PRKAB1: variants seen among roughly 807,000 people sequenced by gnomAD.
The protein encoded by PRKAB1 is 5'-AMP-activated protein kinase subunit beta-1.
Under a neutral mutation model 32.0 loss-of-function variants are expected in PRKAB1, and 18 were observed. That is an observed-to-expected ratio of 0.56 (90% CI 0.39 to 0.83). The LOEUF is 0.83. Ranked by LOEUF, PRKAB1 falls within the 40% of genes least tolerant of loss-of-function variation. The pLI is 0.00. For synonymous variants in PRKAB1, 141 were observed against 141.4 expected (o/e 1.00, Z 0.02); for missense variants, 263 against 352.6 (o/e 0.75, Z 2.03).
intron 2 of PRKAB1, 95 bp downstream of exon 2, chr12:119,672,559 T>C: frequency 7.7e-7 from 1 of 1,304,778 alleles, no homozygotes; most frequent in Non-Finnish European, 1.0e-6. Flanking sequence ...GATGTTTCTA[T>C]AAAATGGATG....
Position 119,674,009 on chromosome 12 carries a change from T to G in PRKAB1, c.369T>G (p.His123Gln), listed in dbSNP as rs1474143796. The change falls in exon 3 of 7, where the codon CAT becomes CAG. Residue 123 changes from histidine (H) to glutamine (Q), a missense_variant. His to Gln is a conservative substitution (Grantham distance 24). Coordinates refer to ENST00000229328, the MANE Select transcript of PRKAB1 (RefSeq NM_006253.5). This position sits in a 1 kb window ranked among gnomAD's most constrained non-coding sequence, Gnocchi z 4.3. ...VAILDLPEGE[H>Q]QYKFFVDGQW... ...TCCTGGATCTGCCGGAAGGAGAGCATCAGTACAAGTTCTTTGTGGATGGTC... is the reference window on the plus strand; with the variant it reads ...TCCTGGATCTGCCGGAAGGAGAGCAGCAGTACAAGTTCTTTGTGGATGGTC... 6.2e-7 allele frequency: 1 copy of G among 1,614,000 alleles called. No individual in the cohort carries two copies. The highest frequency in any genetic ancestry group is 2.2e-5 in the East Asian group (1 of 44,868).
chr12:119,675,878 T>C (rs1955420696), intron 4 of PRKAB1, among the ~76,000 whole-genome samples: 3 of 152,220 alleles, frequency 2.0e-5, no homozygotes, highest in Admixed American at 2.0e-4. Flanking sequence ...ACCTTCTGGC[T>C]GGCCAAACGT....
intron 5 of PRKAB1, chr12:119,678,087 G>A (rs1955439911): frequency 6.6e-6 from 1 of 152,292 alleles, no homozygotes; most frequent in African/African-American, 2.4e-5. Flanking sequence ...TCTAGAAAAG[G>A]GAGGCATCAC....
rs1955409464 is a variant in PRKAB1, at chr12:119,674,572, A to G, written c.532+118A>G. The G allele has an allele frequency of 3.0e-6, 2 of 677,062 alleles. No individual in the cohort carries two copies. Among genetic ancestry groups the G allele is most frequent in the Non-Finnish European group, 4.9e-6 (2 of 410,212 alleles). The allele number at this position is 677,062 out of a possible 1,614,324, so 41.9% of individuals were successfully genotyped here. ...GCTGCCCAGTCAGATAGGCATTTAT[A>G]GCCCCCACTTAAAGGCCACAGAACT... is the stretch of plus-strand genomic sequence containing the variant. On this transcript the variant is annotated intron_variant, in intron 4 of 6. Coordinates refer to ENST00000229328, the MANE Select transcript of PRKAB1 (RefSeq NM_006253.5). This position sits in a 1 kb window ranked among gnomAD's most constrained non-coding sequence, Gnocchi z 4.3.
intron 5 of PRKAB1, among the ~76,000 whole-genome samples, chr12:119,676,904 G>A (rs150071062): frequency 1.1e-4 from 16 of 152,282 alleles, no homozygotes; most frequent in African/African-American, 3.1e-4. Flanking sequence ...TGTCCTTCAC[G>A]CCTGCCTCAG....
chr12:119,672,174 A>T, intron 1 of PRKAB1, 127 bp from the exon 2 acceptor site: 4 of 938,992 alleles, frequency 4.3e-6, no homozygotes, highest in Middle Eastern at 3.6e-4. Flanking sequence ...CTGAGGCACC[A>T]CTAGTAAGTT....
chr12:119,676,600 G>T lies in PRKAB1; in HGVS notation c.596G>T (p.Arg199Leu). The T allele has an allele frequency of 6.2e-7, 1 of 1,613,810 alleles. No individual in the cohort carries two copies. The highest frequency in any genetic ancestry group is 1.3e-5 in the African/African-American group (1 of 75,014). Residue 199 changes from arginine to leucine, a missense_variant, in exon 5 of 7, where the codon CGC becomes CTC. Physicochemically the swap from Arg to Leu is moderately radical, Grantham distance 102. Transcript: ENST00000229328. ...QEPYVCKPEE[R>L]FRAPPILPPH... is the part of the protein sequence containing the mutation. ...CCCTACGTCTGCAAACCCGAAGAGC[G>T]CTTTCGGGCACCCCCTATTCTCCCC...
chr12:119,668,011 G>A, upstream of PRKAB1: 1 of 514,198 alleles, frequency 1.9e-6, no homozygotes, highest in Non-Finnish European at 3.3e-6. Context: ...TTATCTTCGC[G>A]CCCCTTGCGT....
chr12:119,672,975 T>A (rs969105769), intron 2 of PRKAB1, among the ~76,000 whole-genome samples: 5 of 152,358 alleles, frequency 3.3e-5, no homozygotes, highest in South Asian at 2.1e-4. Context: ...ATGCCTATGA[T>A]CTCAGCACTT....
intron 2 of PRKAB1, 21 bp downstream of exon 2, chr12:119,672,485 C>G: frequency 6.6e-7 from 1 of 1,504,526 alleles, no homozygotes; most frequent in Non-Finnish European, 8.9e-7. Context: ...GGGGAGTGTT[C>G]ACATATTTGT....
chr12:119,668,069 G>T (rs891534901), upstream of PRKAB1: 8 of 767,838 alleles, frequency 1.0e-5, no homozygotes, highest in African/African-American at 1.9e-5. Context: ...GCGAGAGCTC[G>T]GCAACCCTGC....
chr12:119,674,330 C>G lies in PRKAB1; in HGVS notation c.418-10C>G. On this transcript the variant is annotated splice_polypyrimidine_tract_variant and intron_variant, in intron 3 of 6. Coordinates refer to ENST00000229328, the MANE Select transcript of PRKAB1 (RefSeq NM_006253.5). The surrounding 1 kb of genome is among the most constrained non-coding windows in gnomAD (Gnocchi z 4.3). ...CACGTTATGATTTCTGCCTATCTGT[C>G]TCTTCCCAGCCCATAGTAACCAGCC... 6 of 1,591,160 alleles carry G rather than the reference C, an allele frequency of 3.8e-6. No individual in the cohort carries two copies. The highest frequency in any genetic ancestry group is 5.2e-6 in the Non-Finnish European group (6 of 1,159,524).
Position 119,679,411 on chromosome 12 carries a change from T to G in PRKAB1, c.667-522T>G, listed in dbSNP as rs1955448693. 1 of 157,670 alleles carries G rather than the reference T, an allele frequency of 6.3e-6. No individual in the cohort carries two copies. Among genetic ancestry groups the G allele is most frequent in the Admixed American group, 6.1e-5 (1 of 16,316 alleles). 9.8% of individuals were successfully genotyped at this position (157,670 alleles called of 1,614,324 possible). A position where few individuals can be genotyped will look rare whatever the true frequency, so the allele number is the denominator to read the frequency against. On this transcript the variant is annotated intron_variant, in intron 5 of 6. Coordinates refer to ENST00000229328, the MANE Select transcript of PRKAB1 (RefSeq NM_006253.5). This position sits in a 1 kb window ranked among gnomAD's most constrained non-coding sequence, Gnocchi z 4.1. ...TACAATGAAAAAATAAATCCCGATT[T>G]CTGGCTTCTCTTAAAACATAGGAAG...
chr12:119,672,529 CTG>C (rs1955396032), intron 2 of PRKAB1, 65 bp downstream of exon 2: 1 of 1,400,912 alleles, frequency 7.1e-7, no homozygotes. Flanking sequence ...TAAAACATCT[CTG>C]AGAGAGAACA....
chr12:119,680,515 A>G lies in PRKAB1; in HGVS notation c.*190A>G, dbSNP rs1955457270. On this transcript the variant is annotated 3_prime_UTR_variant, in exon 7 of 7. Transcript: ENST00000229328. Reference sequence around the variant, plus strand: ...CTCCTGCAGCGCCTCGGTCTGTGACAGTCCTCCTAGCACCCCCATGGCTTT... The same window carrying G: ...CTCCTGCAGCGCCTCGGTCTGTGACGGTCCTCCTAGCACCCCCATGGCTTT... 2 of 616,122 alleles carry G rather than the reference A, an allele frequency of 3.2e-6. No individual in the cohort carries two copies. Among genetic ancestry groups the G allele is most frequent in the Admixed American group, 5.6e-5 (2 of 35,952 alleles). 38.2% of individuals were successfully genotyped at this position (616,122 alleles called of 1,614,324 possible).
rs747445273 is a variant in PRKAB1, at chr12:119,674,503, C to T, written c.532+49C>T. Reference sequence around the variant, plus strand: ...CACATGCGTGCAGGTGGGGGCTGTACAGTCTAGACATACTCTTGTTTCTCT... The same window carrying T: ...CACATGCGTGCAGGTGGGGGCTGTATAGTCTAGACATACTCTTGTTTCTCT... On this transcript the variant is annotated intron_variant, in intron 4 of 6. Transcript: ENST00000229328. The surrounding 1 kb of genome is among the most constrained non-coding windows in gnomAD (Gnocchi z 4.3). The T allele has an allele frequency of 1.5e-6, 2 of 1,346,164 alleles. No homozygotes were observed. The highest frequency in any genetic ancestry group is 2.3e-5 in the East Asian group (1 of 42,690). The allele number at this position is 1,346,164 out of a possible 1,614,324, so 83.4% of individuals were successfully genotyped here. A position where few individuals can be genotyped will look rare whatever the true frequency, so the allele number is the denominator to read the frequency against.
chr12:119,678,701 T>C (rs1565877372), intron 5 of PRKAB1: 1 of 152,274 alleles, frequency 6.6e-6, no homozygotes, highest in African/African-American at 2.4e-5. Context: ...ATTCCTTTTG[T>C]AAGGCTCAGC....
chr12:119,677,818 G>T (rs540162337), intron 5 of PRKAB1: 21 of 136,484 alleles, frequency 1.5e-4, no homozygotes, highest in African/African-American at 5.8e-4. Flanking sequence ...AGGCTGGAGT[G>T]CTGTGGTGCC....
Position 119,679,860 on chromosome 12 carries a change from G to T in PRKAB1, c.667-73G>T. The T allele has an allele frequency of 1.3e-6, 2 of 1,489,110 alleles. 1 individual carries two copies. Among genetic ancestry groups the T allele is most frequent in the South Asian group, 2.3e-5 (2 of 88,324 alleles). The allele number at this position is 1,489,110 out of a possible 1,614,324, so 92.2% of individuals were successfully genotyped here. On this transcript the variant is annotated intron_variant, in intron 5 of 6. Transcript: ENST00000229328. The surrounding 1 kb of genome is among the most constrained non-coding windows in gnomAD (Gnocchi z 4.1). The stretch of plus-strand genomic sequence containing the variant: ...GCTGCCTCCTGTCCTTTGATATCTG[G>T]CACTGGGAAGTAAAGGGGAGAATCT...
Sources: gnomAD v4.1 joint callset for allele counts (sites outside exome capture counted in the v4.1 genomes callset) on GRCh38, gnomAD v4.1.1 for gene constraint, Gnocchi (gnomAD v3.1) non-coding constraint, MANE v1.5 for transcripts, NCBI Gene and HGNC (gene_info 2026-07-23, HGNC 2026-07-21) for gene names.